The following PCDHA6 variants were observed in gnomAD, a reference collection of about 807,000 sequenced individuals.
The protein encoded by PCDHA6 is protocadherin alpha-6.
A neutral mutation model predicts 60.3 loss-of-function variants in PCDHA6; 55 were observed. That is an observed-to-expected ratio of 0.91 (90% CI 0.73 to 1.14). The LOEUF is 1.14. Among genes scored for constraint, PCDHA6 ranks in the 50% most tolerant of loss-of-function variants. PCDHA6 has a pLI of 0.00. For synonymous variants in PCDHA6, 652 were observed against 557.9 expected (o/e 1.17, Z -2.38); for missense variants, 1,327 against 1,256.5 (o/e 1.06, Z -0.85).
intron 1 of PCDHA6, chr5:140,855,838 A>G (rs1554147969): frequency 1.6e-6 from 1 of 616,858 alleles, no homozygotes. Flanking sequence ...TCGTACTTAC[A>G]CCTAAAGCCA....
chr5:140,976,888 A>G (rs1050816491), intron 1 of PCDHA6, among the ~76,000 whole-genome samples: 1 of 152,218 alleles, frequency 6.6e-6, no homozygotes, highest in African/African-American at 2.4e-5. Context: ...ATTAGGATAC[A>G]TGCAACAGTA....
intron 3 of PCDHA6, among the ~76,000 whole-genome samples, chr5:141,000,421 ATTTTTTT>A (rs34755515): frequency 5.7e-4 from 16 of 27,976 alleles, no homozygotes; most frequent in Non-Finnish European, 7.4e-4. Flanking sequence ...ATATATATAT[ATTTTTTT>A]TTTTTTTTTT....
intron 3 of PCDHA6, among the ~76,000 whole-genome samples, chr5:140,985,009 C>T (rs567801905): frequency 9.3e-4 from 141 of 152,162 alleles, no homozygotes; most frequent in African/African-American, 3.3e-3. Flanking sequence ...ACGATATCGG[C>T]TCACAGCAAC....
intron 1 of PCDHA6, among the ~76,000 whole-genome samples, chr5:140,964,743 T>C (rs1373954630): frequency 6.7e-6 from 1 of 150,048 alleles, no homozygotes; most frequent in Non-Finnish European, 1.5e-5. Flanking sequence ...ACAGAATTAT[T>C]GTAGGGATGT....
At chr5:140,833,531 T>G (rs1772504047) in intron 1 of PCDHA6, among the ~76,000 whole-genome samples, 1 of 152,126 alleles carries the variant, frequency 6.6e-6, no homozygotes, top group Admixed American at 6.6e-5. Context: ...AACACACAAG[T>G]GTTCGAAAGG....
At chr5:140,850,949 A>C in intron 1 of PCDHA6, 1 of 1,501,564 alleles carries the variant, frequency 6.7e-7, no homozygotes, top group Non-Finnish European at 8.9e-7. Flanking sequence ...GATATTATCG[A>C]TTACTCCCAG....
intron 3 of PCDHA6, among the ~76,000 whole-genome samples, chr5:140,995,324 G>C (rs1290299693): frequency 1.3e-5 from 2 of 152,190 alleles, no homozygotes; most frequent in Non-Finnish European, 2.9e-5. Context: ...GAACTAACAG[G>C]TGAGTAGTGT....
At chr5:140,850,217 C>A (rs2150473800) in intron 1 of PCDHA6, 2 of 1,593,480 alleles carry the variant, frequency 1.3e-6, no homozygotes, top group African/African-American at 1.3e-5. Context: ...GGGGCACTGA[C>A]GGCGCAGTGA....
intron 1 of PCDHA6, among the ~76,000 whole-genome samples, chr5:140,941,907 CT>C (rs1379926904): frequency 7.2e-5 from 11 of 152,106 alleles, no homozygotes; most frequent in African/African-American, 2.7e-4. Context: ...CATTGAAATG[CT>C]TTTATGTATA....
chr5:140,841,457 G>T (rs2150315897), intron 1 of PCDHA6: 1 of 1,612,920 alleles, frequency 6.2e-7, no homozygotes, highest in South Asian at 1.1e-5. Flanking sequence ...CACCTTCGTG[G>T]GCCGGATCGC....
At chr5:140,836,501 G>C (rs1554136017) in intron 1 of PCDHA6, 6 of 1,613,866 alleles carry the variant, frequency 3.7e-6, no homozygotes, top group Non-Finnish European at 5.1e-6. Context: ...CCATCTGCGC[G>C]GTGTCCAGTC....
chr5:140,998,442 T>G lies in PCDHA6; in HGVS notation c.2543-11185T>G, dbSNP rs368931467. On this transcript the variant is annotated intron_variant, in intron 3 of 3. Coordinates refer to ENST00000529310, the MANE Select transcript of PCDHA6 (RefSeq NM_018909.4). ...GGTTTATCCTTTAACACTATTATTGTATTTATTCATTTACTTGTCTTTTCC... is the reference window on the plus strand; with the variant it reads ...GGTTTATCCTTTAACACTATTATTGGATTTATTCATTTACTTGTCTTTTCC... 1.7e-4 allele frequency among the ~76,000 whole-genome samples: 26 copies of G among 152,352 alleles called. No individual in the cohort carries two copies. In the South Asian group the frequency reaches 5.2e-3, roughly 30 times the overall value.
intron 1 of PCDHA6, chr5:140,850,066 A>G (rs1554143711): frequency 6.3e-7 from 1 of 1,596,292 alleles, no homozygotes; most frequent in African/African-American, 1.3e-5. Flanking sequence ...CAGCCGTTGG[A>G]CCACGAGGAG....
intron 1 of PCDHA6, chr5:140,835,740 C>T (rs1554135229): frequency 2.5e-6 from 4 of 1,613,594 alleles, no homozygotes; most frequent in Non-Finnish European, 3.4e-6. Flanking sequence ...CGACAACGCC[C>T]CGGCGTTCGC....
At chr5:140,869,418 C>T in intron 1 of PCDHA6, 2 of 1,614,174 alleles carry the variant, frequency 1.2e-6, no homozygotes, top group Middle Eastern at 1.6e-4. Context: ...GCAGCATCCA[C>T]CTGGAGGTGA....
chr5:140,841,770 C>G (rs148555729), intron 1 of PCDHA6: 4 of 1,613,798 alleles, frequency 2.5e-6, no homozygotes, highest in African/African-American at 1.3e-5. Flanking sequence ...ATGCCAGACT[C>G]TCGGTTTCCG....
At chr5:140,860,381 A>C (rs550712376) in intron 1 of PCDHA6, 4 of 152,246 alleles carry the variant, frequency 2.6e-5, no homozygotes, top group African/African-American at 9.6e-5. Context: ...ACCCTATTTC[A>C]AAAATTGAAA....
chr5:140,900,380 C>T (rs554914375), intron 1 of PCDHA6, among the ~76,000 whole-genome samples: 2 of 152,208 alleles, frequency 1.3e-5, no homozygotes, highest in Admixed American at 6.5e-5. Flanking sequence ...TGGGTTCAAG[C>T]GATTCTCCTG....
intron 1 of PCDHA6, among the ~76,000 whole-genome samples, chr5:140,942,962 A>G (rs2153660638): frequency 6.6e-6 from 1 of 152,216 alleles, no homozygotes; most frequent in South Asian, 2.1e-4. Flanking sequence ...CTGTTATCAG[A>G]ATTAAATTTT....
Sources: allele counts gnomAD v4.1 joint callset (sites outside exome capture counted in the v4.1 genomes callset), GRCh38; gene constraint gnomAD v4.1.1; transcripts MANE v1.5; gene names NCBI Gene and HGNC (gene_info 2026-07-23, HGNC 2026-07-21).